Variants in ARMS2 observed in about 807,000 individuals in gnomAD.
ARMS2 encodes the protein age-related maculopathy susceptibility 2, also known as age-related maculopathy susceptibility protein 2.
A neutral mutation model predicts 6.0 loss-of-function variants in ARMS2; 4 were observed. The observed-to-expected ratio is 0.67, with a 90% CI of 0.33 to 1.53. The LOEUF (loss-of-function observed/expected upper bound fraction) is 1.53. ARMS2 is among the 40% of genes most tolerant of loss of function. The probability of loss-of-function intolerance (pLI) is 0.06; values close to 1 mark genes in which losing one functional copy is unlikely to be tolerated. For missense variants in ARMS2, 99 were observed against 127.6 expected (o/e 0.78, Z 1.08); for synonymous variants, 49 against 51.7 (o/e 0.95, Z 0.22).
At position 122,456,978 on chromosome 10, in the gene ARMS2, T is replaced by G. The variant is rs150019974; in HGVS notation, c.*45T>G. On this transcript the variant is annotated 3_prime_UTR_variant, in exon 2 of 2. Coordinates refer to ENST00000528446, the MANE Select transcript of ARMS2 (RefSeq NM_001099667.3). Reference sequence around the variant, plus strand: ...CTTAAAAGCCAACTGGAGCTTCTCATCAGCATCAATGTGAAGCCAAAAATC... The same window carrying G: ...CTTAAAAGCCAACTGGAGCTTCTCAGCAGCATCAATGTGAAGCCAAAAATC... The G allele has an allele frequency of 7.8e-4, 1,212 of 1,551,140 alleles. 11 individuals carry two copies. The African/African-American group carries it at 0.014, about 17-fold the overall frequency.
intron 1 of ARMS2, among the ~76,000 whole-genome samples, chr10:122,455,835 T>C (rs1018155965): frequency 9.2e-5 from 14 of 152,108 alleles, no homozygotes; most frequent in African/African-American, 3.4e-4. Context: ...ATGTTCTAAA[T>C]GTGAGCGCGC....
At position 122,457,051 on chromosome 10, in the gene ARMS2, C is replaced by T; in HGVS notation, c.*118C>T. 1 of 1,315,042 alleles carries T rather than the reference C, an allele frequency of 7.6e-7. No homozygotes were observed. The highest frequency in any genetic ancestry group is 1.4e-5 in the South Asian group (1 of 72,494). The allele number at this position is 1,315,042 out of a possible 1,614,324, so 81.5% of individuals were successfully genotyped here. Reference sequence around the variant, plus strand: ...CTCACAACCTAGACTGGTCCCCTTCCCTCCAGCTGCCTCAACTGTCCACAG... The same window carrying T: ...CTCACAACCTAGACTGGTCCCCTTCTCTCCAGCTGCCTCAACTGTCCACAG... On this transcript the variant is annotated 3_prime_UTR_variant, in exon 2 of 2. Transcript: ENST00000528446.
intron 1 of ARMS2, among the ~76,000 whole-genome samples, chr10:122,455,867 G>A (rs537138006): frequency 6.6e-6 from 1 of 152,160 alleles, no homozygotes; most frequent in South Asian, 2.1e-4. Flanking sequence ...AGCTGCTCCC[G>A]AGTGACAGAA....
intron 1 of ARMS2, among the ~76,000 whole-genome samples, chr10:122,456,670 AG>A (rs1397863664): frequency 6.7e-6 from 1 of 150,154 alleles, no homozygotes; most frequent in Non-Finnish European, 1.5e-5. Flanking sequence ...AAAAAAAAAA[AG>A]TTCTCAAAAG....
intron 1 of ARMS2, 33 bp downstream of exon 1, chr10:122,455,057 G>A (rs372811830): frequency 2.7e-5 from 33 of 1,227,530 alleles, no homozygotes; most frequent in Non-Finnish European, 3.6e-5. Flanking sequence ...CCTTACCCCA[G>A]ACCTATTGAA....
Position 122,454,963 on chromosome 10 carries a change from C to A in ARMS2, c.236C>A (p.Ala79Asp), listed in dbSNP as rs201947078. ...AKIHTELCLP[A>D]FFSPAGTQRR... is the part of the protein sequence containing the mutation. The stretch of plus-strand genomic sequence containing the variant: ...ATCCACACTGAGCTCTGCTTACCAG[C>A]CTTCTTCTCTCCTGCTGGAACCCAG... Residue 79 changes from alanine (A) to aspartate (D), a missense_variant, in exon 1 of 2, where the codon GCC becomes GAC. Ala to Asp is a moderately radical substitution (Grantham distance 126). Coordinates refer to ENST00000528446, the MANE Select transcript of ARMS2 (RefSeq NM_001099667.3). 56 of 1,613,664 alleles carry A rather than the reference C, an allele frequency of 3.5e-5. No individual in the cohort carries two copies. The African/African-American group carries it at 5.2e-4, about 15-fold the overall frequency.
chr10:122,455,117 A>G (rs189109566), intron 1 of ARMS2, 93 bp downstream of exon 1: 281 of 726,714 alleles, frequency 3.9e-4, no homozygotes, highest in Middle Eastern at 1.2e-3. Context: ...ACCAGCCTTC[A>G]GGTGCTTCTG....
At position 122,454,657 on chromosome 10, in the gene ARMS2, C is replaced by A. The variant is rs887254804; in HGVS notation, c.-71C>A. ...TGACGGGAAAAGACAATGCTCCTGG[C>A]TGAGTGAGATGGCAGCTGGCTTGGC... On this transcript the variant is annotated 5_prime_UTR_variant, in exon 1 of 2. In the 5' UTR this introduces an upstream ATG that the reference lacks. Coordinates refer to ENST00000528446, the MANE Select transcript of ARMS2 (RefSeq NM_001099667.3). 3.8e-6 allele frequency: 6 copies of A among 1,573,306 alleles called. No homozygotes were observed. The highest frequency in any genetic ancestry group is 3.5e-6 in the Non-Finnish European group (4 of 1,156,406).
At chr10:122,456,647 C>T (rs1402044523) in intron 1 of ARMS2, among the ~76,000 whole-genome samples, 1 of 140,730 alleles carries the variant, frequency 7.1e-6, no homozygotes, top group East Asian at 2.2e-4. Context: ...GAGTGAGACT[C>T]TATCTCAAAA....
In ARMS2 at chr10:122,454,842, G is replaced by A. The variant is rs955640839; in HGVS notation, c.115G>A (p.Glu39Lys). 1 of 1,614,028 alleles carries A rather than the reference G, an allele frequency of 6.2e-7. No homozygotes were observed. Among genetic ancestry groups the A allele is most frequent in the African/African-American group, 1.3e-5 (1 of 75,042 alleles). Residue 39 changes from glutamate (E) to lysine (K), a missense_variant, in exon 1 of 2, where the codon GAG becomes AAG. Physicochemically the swap from Glu to Lys is moderately conservative, Grantham distance 56. Transcript: ENST00000528446. ...TGTGTCCTTCATTTCCACTCTGCGA[G>A]AGTCTGTGCTGGACCCTGGAGTTGG... ...VPVSFISTLRESVLDPGVGGE... is the reference protein window; with the variant it reads ...VPVSFISTLRKSVLDPGVGGE...
chr10:122,455,459 C>T (rs1393746176), intron 1 of ARMS2, among the ~76,000 whole-genome samples: 3 of 152,076 alleles, frequency 2.0e-5, no homozygotes, highest in Non-Finnish European at 2.9e-5. Context: ...AATATTCTCA[C>T]GGCTTTCCAG....
chr10:122,457,077 G>A lies in ARMS2; in HGVS notation c.*144G>A. The A allele has an allele frequency of 9.1e-7, 1 of 1,101,820 alleles. No homozygotes were observed. Among genetic ancestry groups the A allele is most frequent in the Non-Finnish European group, 1.3e-6 (1 of 772,610 alleles). 68.3% of individuals were successfully genotyped at this position (1,101,820 alleles called of 1,614,324 possible). Reference sequence around the variant, plus strand: ...CTCCAGCTGCCTCAACTGTCCACAGGACTCTCTTCCCACCTGCGGCCACAC... The same window carrying A: ...CTCCAGCTGCCTCAACTGTCCACAGAACTCTCTTCCCACCTGCGGCCACAC... On this transcript the variant is annotated 3_prime_UTR_variant, in exon 2 of 2. Transcript: ENST00000528446.
chr10:122,455,010 C>T lies in ARMS2; in HGVS notation c.283C>T (p.His95Tyr). ...CCAGAGGAGGTTCCAGCAGCCTCAG[C>T]ACCACCTGACACTGGTAAGAAATGC... Reference protein sequence around the residue: ...GTQRRFQQPQHHLTLSIIHTA... With the variant: ...GTQRRFQQPQYHLTLSIIHTA... Residue 95 changes from histidine to tyrosine, a missense_variant, in exon 1 of 2, where the codon CAC becomes TAC. Transcript: ENST00000528446. The T allele has an allele frequency of 1.3e-6, 2 of 1,557,540 alleles. No individual in the cohort carries two copies. Among genetic ancestry groups the T allele is most frequent in the Non-Finnish European group, 1.8e-6 (2 of 1,132,792 alleles).
chr10:122,456,814 C>G, intron 1 of ARMS2, 93 bp from the exon 2 acceptor site: 1 of 1,517,670 alleles, frequency 6.6e-7, no homozygotes. Context: ...GTTACATTAA[C>G]TGCATCTTCA....
chr10:122,457,050 C>T lies in ARMS2; in HGVS notation c.*117C>T. ...CCTCACAACCTAGACTGGTCCCCTT[C>T]CCTCCAGCTGCCTCAACTGTCCACA... On this transcript the variant is annotated 3_prime_UTR_variant, in exon 2 of 2. Transcript: ENST00000528446. The T allele has an allele frequency of 3.7e-6, 5 of 1,354,248 alleles. No individual in the cohort carries two copies. In the South Asian group the frequency reaches 6.7e-5, roughly 18 times the overall value. The allele number at this position is 1,354,248 out of a possible 1,614,324, so 83.9% of individuals were successfully genotyped here.
At chr10:122,455,313 A>C (rs1806140686) in intron 1 of ARMS2, among the ~76,000 whole-genome samples, 2 of 152,198 alleles carry the variant, frequency 1.3e-5, no homozygotes, top group South Asian at 4.1e-4. Flanking sequence ...AGAAACCCAA[A>C]GCTTATAGAA....
chr10:122,455,688 T>C (rs2097476574), intron 1 of ARMS2, among the ~76,000 whole-genome samples: 1 of 152,176 alleles, frequency 6.6e-6, no homozygotes. Flanking sequence ...TGCCATAGTA[T>C]ATATAATTAG....
chr10:122,456,128 A>C (rs1018061475), intron 1 of ARMS2, among the ~76,000 whole-genome samples: 1 of 152,154 alleles, frequency 6.6e-6, no homozygotes, highest in Non-Finnish European at 1.5e-5. Flanking sequence ...AATACATAGA[A>C]TGTAAAGGCT....
At chr10:122,456,219 T>C (rs1320167503) in intron 1 of ARMS2, among the ~76,000 whole-genome samples, 2 of 151,920 alleles carry the variant, frequency 1.3e-5, no homozygotes, top group African/African-American at 4.8e-5. Context: ...ATGTTTTGAT[T>C]TGATATTAGA....
Sources: allele counts gnomAD v4.1 joint callset (sites outside exome capture counted in the v4.1 genomes callset), GRCh38; gene constraint gnomAD v4.1.1; transcripts MANE v1.5; gene names NCBI Gene and HGNC (gene_info 2026-07-23, HGNC 2026-07-21).